Variants in LRRC17 observed in about 807,000 individuals in gnomAD.
LRRC17 encodes the protein leucine-rich repeat-containing protein 17.
Under a neutral mutation model 41.5 loss-of-function variants are expected in LRRC17, and 33 were observed. The observed-to-expected ratio is 0.80, with a 90% CI of 0.60 to 1.06. The LOEUF is 1.06. Ranked by LOEUF, LRRC17 falls within the 50% of genes least tolerant of loss-of-function variation. The pLI is 0.00. For synonymous variants in LRRC17, 192 were observed against 197.0 expected (o/e 0.97, Z 0.21); for missense variants, 491 against 519.3 (o/e 0.95, Z 0.53).
intron 1 of LRRC17, among the ~76,000 whole-genome samples, chr7:102,925,940 C>CAA (rs66682276): frequency 2.2e-3 from 220 of 100,974 alleles, no homozygotes; most frequent in African/African-American, 6.7e-3. Flanking sequence ...GACTCTGTCT[C>CAA]AAAAAAAAAA....
At chr7:102,937,933 C>T (rs1454635253) in intron 2 of LRRC17, among the ~76,000 whole-genome samples, 2 of 152,202 alleles carry the variant, frequency 1.3e-5, no homozygotes, top group African/African-American at 4.8e-5. Context: ...AGCTGACTTG[C>T]AATGAGTCAG....
chr7:102,933,718 TA>T, intron 1 of LRRC17, 55 bp from the exon 2 acceptor site: 1 of 515,892 alleles, frequency 1.9e-6, no homozygotes, highest in Non-Finnish European at 3.4e-6. Flanking sequence ...TATCTGTCAG[TA>T]ATACAGTGCT....
At position 102,944,525 on chromosome 7, in the gene LRRC17, A is replaced by G; in HGVS notation, c.1244A>G (p.Asp415Gly). The change falls in exon 4 of 4, where the codon GAC becomes GGC. Residue 415 changes from aspartate to glycine, a missense_variant. By Grantham distance (94) the Asp-to-Gly change is moderately conservative. Transcript: ENST00000339431. ...LPAYPESFDQ[D>G]TEDDEWEKKH... ...GCATATCCTGAGTCATTTGACCAAGACACAGAAGATGATGAATGGGAAAAA... is the reference window on the plus strand; with the variant it reads ...GCATATCCTGAGTCATTTGACCAAGGCACAGAAGATGATGAATGGGAAAAA... 1 of 1,613,956 alleles carries G rather than the reference A, an allele frequency of 6.2e-7. No homozygotes were observed. Among genetic ancestry groups the G allele is most frequent in the Non-Finnish European group, 8.5e-7 (1 of 1,179,946 alleles).
In LRRC17 at chr7:102,939,488, C is replaced by T; in HGVS notation, c.831C>T (p.Tyr277=). The T allele has an allele frequency of 6.2e-7, 1 of 1,613,794 alleles. No homozygotes were observed. Among genetic ancestry groups the T allele is most frequent in the Non-Finnish European group, 8.5e-7 (1 of 1,179,828 alleles). ...PPDIVKLDLS[Y]NKINQLRPKE... is the part of the protein sequence containing the mutation. ...ATATTGTTAAACTTGACTTGTCATA[C>T]AATAAAATCAACCAACTTCGACCCA... Residue 277 remains tyrosine (Y), a synonymous_variant, in exon 3 of 4, where the codon TAC becomes TAT. Transcript: ENST00000339431.
chr7:102,944,323 AGAGATAACCCTTG>A lies in LRRC17; in HGVS notation c.1048_1060del (p.Asn350ValfsTer12). The A allele has an allele frequency of 6.2e-7, 1 of 1,614,128 alleles. No homozygotes were observed. The highest frequency in any genetic ancestry group is 8.5e-7 in the Non-Finnish European group (1 of 1,179,972). ...GTATTTTTTGAAACTCTTGTGGCTC[AGAGATAACCCTTG>A]GAGATGTGACTACAACATTCACTAC... is the stretch of plus-strand genomic sequence containing the variant. On this transcript the variant is annotated frameshift_variant, in exon 4 of 4. Transcript: ENST00000339431. LOFTEE classifies it high-confidence loss of function.
intron 1 of LRRC17, among the ~76,000 whole-genome samples, chr7:102,932,839 A>T (rs899013349): frequency 2.6e-5 from 4 of 152,048 alleles, no homozygotes; most frequent in African/African-American, 9.7e-5. Context: ...AAGAGATCTG[A>T]CTGCCTCAGC....
intron 2 of LRRC17, among the ~76,000 whole-genome samples, chr7:102,937,940 T>A (rs1320197481): frequency 6.6e-6 from 1 of 152,088 alleles, no homozygotes; most frequent in Non-Finnish European, 1.5e-5. Flanking sequence ...TTGCAATGAG[T>A]CAGATGGTGT....
intron 1 of LRRC17, among the ~76,000 whole-genome samples, chr7:102,922,344 TA>T (rs1817217257): frequency 6.6e-6 from 1 of 152,140 alleles, no homozygotes; most frequent in African/African-American, 2.4e-5. Flanking sequence ...TTCATGACCA[TA>T]TTTTTTTTAT....
chr7:102,937,843 G>A (rs989996374), intron 2 of LRRC17, among the ~76,000 whole-genome samples: 7 of 152,040 alleles, frequency 4.6e-5, no homozygotes, highest in African/African-American at 1.7e-4. Context: ...CCTGAGGATC[G>A]GTACAAGTAT....
At chr7:102,932,555 T>C (rs1040723711) in intron 1 of LRRC17, among the ~76,000 whole-genome samples, 1 of 149,774 alleles carries the variant, frequency 6.7e-6, no homozygotes, top group African/African-American at 2.5e-5. Context: ...AACAGAATAG[T>C]TGACATACAG....
rs1033539298 is a variant in LRRC17, at chr7:102,944,926, GA to G, written c.*327del. The stretch of plus-strand genomic sequence containing the variant: ...GTTTTTACTGCTTTTAGAAAATAAA[GA>G]AAAAAAACTTGGTTCATGTTTACAT... On this transcript the variant is annotated 3_prime_UTR_variant, in exon 4 of 4. Transcript: ENST00000339431. 1.7e-4 allele frequency: 35 copies of G among 206,328 alleles called. No homozygotes were observed. The highest frequency in any genetic ancestry group is 7.6e-4 in the African/African-American group (33 of 43,596). The allele number at this position is 206,328 out of a possible 1,614,324, so 12.8% of individuals were successfully genotyped here.
intron 1 of LRRC17, chr7:102,931,813 C>T: frequency 7.0e-7 from 1 of 1,429,374 alleles, no homozygotes. Context: ...ATCTATTCTG[C>T]ATATTGGCAC....
At chr7:102,924,742 T>C (rs847657) in intron 1 of LRRC17, among the ~76,000 whole-genome samples, 146,449 of 150,718 alleles carry the variant, frequency 0.97, 71,305 homozygotes, top group East Asian at 1. Flanking sequence ...CCTGGGTTCA[T>C]GCCATTCTCC....
chr7:102,943,572 C>G (rs1303281853), intron 3 of LRRC17, among the ~76,000 whole-genome samples: 2 of 152,118 alleles, frequency 1.3e-5, no homozygotes, highest in African/African-American at 4.8e-5. Flanking sequence ...AAGCATTAAA[C>G]CAGAATGTGA....
rs763183961 is a variant in LRRC17 at position 102,920,248 on chromosome 7, G to A, written c.-141+7103G>A. On this transcript the variant is annotated intron_variant, in intron 1 of 3. Transcript: ENST00000339431. ...ACAACAGAATGTGTATGTACCTTTC[G>A]AATACCTTCAGATTATACAAGTAAA... 5.9e-5 allele frequency among the ~76,000 whole-genome samples: 9 copies of A among 152,118 alleles called. No homozygotes were observed. The East Asian group carries it at 1.2e-3, about 20-fold the overall frequency.
At chr7:102,927,022 A>C (rs1818273251) in intron 1 of LRRC17, among the ~76,000 whole-genome samples, 1 of 152,194 alleles carries the variant, frequency 6.6e-6, no homozygotes, top group Admixed American at 6.5e-5. Flanking sequence ...AGATTCAAGC[A>C]TCCTTCCCCC....
intron 2 of LRRC17, among the ~76,000 whole-genome samples, 177 bp from the exon 3 acceptor site, chr7:102,939,253 G>T (rs899140467): frequency 5.9e-5 from 9 of 152,106 alleles, no homozygotes; most frequent in Admixed American, 6.6e-5. Flanking sequence ...GGCTTTGCTG[G>T]GCTTTGATGG....
intron 2 of LRRC17, among the ~76,000 whole-genome samples, chr7:102,937,590 T>C (rs923488968): frequency 2.6e-5 from 4 of 152,042 alleles, no homozygotes; most frequent in Non-Finnish European, 4.4e-5. Context: ...TATATAAATC[T>C]AGTGATTCAT....
chr7:102,918,323 A>C (rs1322006430), intron 1 of LRRC17, among the ~76,000 whole-genome samples: 2 of 152,222 alleles, frequency 1.3e-5, no homozygotes, highest in Non-Finnish European at 2.9e-5. Flanking sequence ...GGAAGAGCCA[A>C]ACAAAATTCT....
Sources: allele counts gnomAD v4.1 joint callset (sites outside exome capture counted in the v4.1 genomes callset), GRCh38; gene constraint gnomAD v4.1.1; transcripts MANE v1.5; gene names NCBI Gene and HGNC (gene_info 2026-07-23, HGNC 2026-07-21).